Variants in MGMT observed in about 807,000 individuals in gnomAD.
The protein encoded by MGMT is methylated-DNA--protein-cysteine methyltransferase.
Under a neutral mutation model 15.9 loss-of-function variants are expected in MGMT, and 14 were observed. The observed-to-expected ratio is 0.88, with a 90% confidence interval of 0.58 to 1.37. MGMT has a LOEUF of 1.37. Ranked by LOEUF, MGMT falls within the 40% of genes most tolerant of loss-of-function variation. The pLI, the probability that MGMT is intolerant of heterozygous loss-of-function variation, is 0.00. For missense variants in MGMT, 282 were observed against 268.1 expected (o/e 1.05, Z -0.36); for synonymous variants, 130 against 118.2 (o/e 1.10, Z -0.65).
chr10:129,520,960 GCCC>G (rs1845802193), intron 1 of MGMT, among the ~76,000 whole-genome samples: 1 of 85,304 alleles, frequency 1.2e-5, no homozygotes, highest in South Asian at 3.4e-4. Flanking sequence ...TGCCTACAGA[GCCC>G]CTACGGTGAG....
At chr10:129,665,679 T>G (rs11016862) in intron 2 of MGMT, among the ~76,000 whole-genome samples, 28,098 of 152,090 alleles carry the variant, frequency 0.18, 3,467 homozygotes, top group Non-Finnish European at 0.26. Flanking sequence ...TCTGGCTTGA[T>G]CTTAGTGATG....
chr10:129,734,918 A>G (rs1203544247), intron 3 of MGMT, among the ~76,000 whole-genome samples: 3 of 152,174 alleles, frequency 2.0e-5, no homozygotes, highest in Non-Finnish European at 4.4e-5. Context: ...AGCCCACTTG[A>G]TCATGGTGGA....
intron 2 of MGMT, among the ~76,000 whole-genome samples, chr10:129,628,095 T>C (rs1293909121): frequency 6.6e-6 from 1 of 152,164 alleles, no homozygotes; most frequent in Non-Finnish European, 1.5e-5. Context: ...ATGAAGAATT[T>C]TAACATCCAT....
intron 3 of MGMT, among the ~76,000 whole-genome samples, chr10:129,733,265 C>T (rs28863496): frequency 0.55 from 78,265 of 141,674 alleles, 21,590 homozygotes; most frequent in Middle Eastern, 0.68. Flanking sequence ...TGGTGTGAGA[C>T]GGTATCTCAT....
intron 2 of MGMT, among the ~76,000 whole-genome samples, chr10:129,542,856 GT>G (rs1460185481): frequency 6.6e-6 from 1 of 152,190 alleles, no homozygotes; most frequent in Non-Finnish European, 1.5e-5. Context: ...GCTGACGGAT[GT>G]TGCCTCCCGT....
At chr10:129,537,829 A>C (rs964098576) in intron 2 of MGMT, among the ~76,000 whole-genome samples, 2 of 152,338 alleles carry the variant, frequency 1.3e-5, no homozygotes, top group African/African-American at 4.8e-5. Context: ...ACCTGTGGAC[A>C]AACCATGGGA....
At chr10:129,639,238 G>A (rs1306011747) in intron 2 of MGMT, among the ~76,000 whole-genome samples, 2 of 152,048 alleles carry the variant, frequency 1.3e-5, no homozygotes, top group African/African-American at 2.4e-5. Flanking sequence ...GGCTATATTA[G>A]CATTAGATGA....
intron 2 of MGMT, among the ~76,000 whole-genome samples, chr10:129,665,970 CAACTG>C (rs1481958938): frequency 6.6e-6 from 1 of 152,098 alleles, no homozygotes; most frequent in African/African-American, 2.4e-5. Context: ...CTCAGTTTGA[CAACTG>C]TACTGTATTA....
intron 2 of MGMT, among the ~76,000 whole-genome samples, chr10:129,607,186 G>A (rs1846901968): frequency 6.6e-6 from 1 of 152,060 alleles, no homozygotes; most frequent in Non-Finnish European, 1.5e-5. Context: ...AGGCCATGGT[G>A]GAAGGAGAAT....
At chr10:129,617,444 C>G (rs891194474) in intron 2 of MGMT, among the ~76,000 whole-genome samples, 1 of 151,904 alleles carries the variant, frequency 6.6e-6, no homozygotes, top group South Asian at 2.1e-4. Flanking sequence ...GGGTGTGTGC[C>G]CAATAATAGG....
intron 2 of MGMT, among the ~76,000 whole-genome samples, chr10:129,597,286 C>T (rs535877078): frequency 2.0e-5 from 3 of 152,088 alleles, no homozygotes; most frequent in Admixed American, 6.5e-5. Context: ...ATCTCAACCT[C>T]GCGTGAAATT....
rs1046426151 is a variant in MGMT at position 129,691,496 on chromosome 10, C to G, written c.126-16399C>G. 5.3e-5 allele frequency among the ~76,000 whole-genome samples: 8 copies of G among 152,134 alleles called. 1 individual carries two copies. Among genetic ancestry groups the G allele is most frequent in the African/African-American group, 1.9e-4 (8 of 41,466 alleles). ...AAGAAGAGGGTGTTAGCTCGGATAA[C>G]TGGGGCTCCTGAGCAGCCTTCAAGA... On this transcript the variant is annotated intron_variant, in intron 2 of 4. Transcript: ENST00000651593.
At chr10:129,600,915 A>G (rs910006026) in intron 2 of MGMT, among the ~76,000 whole-genome samples, 1 of 152,222 alleles carries the variant, frequency 6.6e-6, no homozygotes, top group South Asian at 2.1e-4. Flanking sequence ...GGATATTTCA[A>G]AATACTCCTA....
chr10:129,629,426 T>G (rs1847186654), intron 2 of MGMT, among the ~76,000 whole-genome samples: 1 of 152,194 alleles, frequency 6.6e-6, no homozygotes, highest in African/African-American at 2.4e-5. Context: ...GTAGTACATT[T>G]CACATCATAG....
chr10:129,668,373 T>C (rs1046141972), intron 2 of MGMT, among the ~76,000 whole-genome samples: 3 of 152,252 alleles, frequency 2.0e-5, no homozygotes, highest in Non-Finnish European at 4.4e-5. Context: ...TGCCTGTTCC[T>C]GTTCTAGAAG....
intron 2 of MGMT, among the ~76,000 whole-genome samples, chr10:129,657,687 A>ACACACACACACACACG (rs1564750802): frequency 6.1e-4 from 86 of 140,006 alleles, no homozygotes; most frequent in African/African-American, 2.1e-3. Flanking sequence ...ACACACACAC[A>ACACACACACACACACG]CACACACACA....
At chr10:129,646,719 A>AAAATATAT in intron 2 of MGMT, among the ~76,000 whole-genome samples, 1 of 81,704 alleles carries the variant, frequency 1.2e-5, no homozygotes, top group African/African-American at 4.7e-5. Flanking sequence ...GCCCATCAGA[A>AAAATATAT]ATATATATAT....
intron 1 of MGMT, among the ~76,000 whole-genome samples, chr10:129,523,404 A>G (rs1845834414): frequency 8.0e-6 from 1 of 125,560 alleles, no homozygotes; most frequent in South Asian, 3.1e-4. Context: ...TCTTTTTCCT[A>G]GTAAACTAAA....
intron 2 of MGMT, among the ~76,000 whole-genome samples, chr10:129,702,327 C>A (rs759090444): frequency 6.6e-6 from 1 of 152,242 alleles, no homozygotes; most frequent in Non-Finnish European, 1.5e-5. Context: ...CATGTACACA[C>A]GCCCAGCAAA....
Sources: gnomAD v4.1 joint callset for allele counts (sites outside exome capture counted in the v4.1 genomes callset) on GRCh38, gnomAD v4.1.1 for gene constraint, MANE v1.5 for transcripts, NCBI Gene and HGNC (gene_info 2026-07-23, HGNC 2026-07-21) for gene names.